CSMD1: variants seen among roughly 807,000 people sequenced by gnomAD.
CSMD1 encodes CUB and sushi domain-containing protein 1.
Under a neutral mutation model 417.5 loss-of-function variants are expected in CSMD1, and 213 were observed. The observed-to-expected ratio is 0.51, with a 90% confidence interval of 0.46 to 0.57. The LOEUF is 0.57. Ranked by LOEUF, CSMD1 falls within the 20% of genes least tolerant of loss-of-function variation. The pLI is 0.00. For synonymous variants in CSMD1, 2,862 were observed against 1,736.8 expected (o/e 1.65, Z -16.11); for missense variants, 6,923 against 4,529.7 (o/e 1.53, Z -15.17).
intron 3 of CSMD1, among the ~76,000 whole-genome samples, chr8:4,315,018 G>C (rs1342401100): frequency 6.6e-6 from 1 of 152,136 alleles, no homozygotes; most frequent in Non-Finnish European, 1.5e-5. Flanking sequence ...CCTGAGAAAA[G>C]AGGTCCCTCT....
intron 62 of CSMD1, 58 bp from the exon 63 acceptor site, chr8:2,957,865 TA>T: frequency 8.6e-7 from 1 of 1,162,050 alleles, no homozygotes; most frequent in Non-Finnish European, 1.3e-6. Context: ...AAGTGTCAAC[TA>T]GTGATACCTG....
chr8:3,676,187 C>G (rs1191091742), intron 7 of CSMD1, among the ~76,000 whole-genome samples: 2 of 152,106 alleles, frequency 1.3e-5, no homozygotes, highest in African/African-American at 4.8e-5. Context: ...TAGTCTTCTC[C>G]TCGTTTGTCC....
At chr8:4,159,108 G>A (rs149722116) in intron 3 of CSMD1, among the ~76,000 whole-genome samples, 22 of 152,106 alleles carry the variant, frequency 1.4e-4, no homozygotes, top group African/African-American at 3.9e-4. Context: ...TAGAGACGAG[G>A]CTTCTCCATA....
At chr8:3,920,618 T>C in intron 5 of CSMD1, among the ~76,000 whole-genome samples, 1 of 152,208 alleles carries the variant, frequency 6.6e-6, no homozygotes, top group East Asian at 1.9e-4. Flanking sequence ...GGGCTTGTCA[T>C]ATATGACCTT....
chr8:4,041,325 G>C (rs1797884769), intron 3 of CSMD1, among the ~76,000 whole-genome samples: 2 of 152,166 alleles, frequency 1.3e-5, no homozygotes, highest in Non-Finnish European at 2.9e-5. Context: ...CCGGGCCTTT[G>C]CCATTTTAAA....
At chr8:4,402,017 G>A (rs991403718) in intron 3 of CSMD1, among the ~76,000 whole-genome samples, 1 of 152,026 alleles carries the variant, frequency 6.6e-6, no homozygotes, top group African/African-American at 2.4e-5. Context: ...TGCTACCACT[G>A]TTATAATTCG....
intron 3 of CSMD1, among the ~76,000 whole-genome samples, chr8:4,395,726 G>C (rs774003975): frequency 1.3e-5 from 2 of 151,988 alleles, no homozygotes; most frequent in Non-Finnish European, 2.9e-5. Flanking sequence ...AAAATTAGCA[G>C]CTACAAATGT....
At chr8:3,427,066 G>C (rs112204905) in intron 12 of CSMD1, among the ~76,000 whole-genome samples, 11 of 152,234 alleles carry the variant, frequency 7.2e-5, no homozygotes, top group East Asian at 5.8e-4. Flanking sequence ...TCACTATCAC[G>C]ACAGCAGCAT....
At chr8:2,974,711 G>T (rs1170692598) in intron 55 of CSMD1, 87 bp from the exon 56 acceptor site, 3 of 908,116 alleles carry the variant, frequency 3.3e-6, no homozygotes, top group Non-Finnish European at 4.6e-6. Flanking sequence ...CACCCATACT[G>T]ACATCATGTA....
chr8:3,119,112 G>A (rs1333441963), intron 41 of CSMD1, among the ~76,000 whole-genome samples: 1 of 151,916 alleles, frequency 6.6e-6, no homozygotes, highest in Non-Finnish European at 1.5e-5. Flanking sequence ...CCTGGGAGGT[G>A]AAGTTTGCAG....
chr8:4,282,976 A>G (rs959841636), intron 3 of CSMD1, among the ~76,000 whole-genome samples: 7 of 152,048 alleles, frequency 4.6e-5, no homozygotes, highest in African/African-American at 1.4e-4. Flanking sequence ...TATTCTTACT[A>G]TTTCTACTGC....
At chr8:3,194,781 A>T (rs891070364) in intron 33 of CSMD1, among the ~76,000 whole-genome samples, 1 of 151,910 alleles carries the variant, frequency 6.6e-6, no homozygotes, top group Non-Finnish European at 1.5e-5. Flanking sequence ...AATTAACTAT[A>T]TTTCCATGAA....
intron 25 of CSMD1, among the ~76,000 whole-genome samples, chr8:3,297,143 A>C (rs1804030439): frequency 6.6e-6 from 1 of 152,204 alleles, no homozygotes; most frequent in African/African-American, 2.4e-5. Context: ...TTCACCCAGA[A>C]AACTGCAAAA....
At chr8:4,311,222 C>T (rs1218533821) in intron 3 of CSMD1, among the ~76,000 whole-genome samples, 1 of 152,100 alleles carries the variant, frequency 6.6e-6, no homozygotes, top group Non-Finnish European at 1.5e-5. Context: ...TAGCACCGTT[C>T]ACAACAGCAA....
intron 51 of CSMD1, among the ~76,000 whole-genome samples, chr8:3,026,410 C>A (rs989410940): frequency 1.3e-5 from 2 of 151,816 alleles, no homozygotes; most frequent in Non-Finnish European, 2.9e-5. Flanking sequence ...CTGGGCCTGA[C>A]TGGACCTCAC....
chr8:4,227,137 T>C (rs1251766077), intron 3 of CSMD1, among the ~76,000 whole-genome samples: 1 of 152,182 alleles, frequency 6.6e-6, no homozygotes, highest in African/African-American at 2.4e-5. Context: ...AAGGGTTTTT[T>C]AGCCCAGAAA....
At chr8:4,932,002 G>C (rs1043264288) in intron 1 of CSMD1, among the ~76,000 whole-genome samples, 2 of 152,110 alleles carry the variant, frequency 1.3e-5, no homozygotes, top group South Asian at 2.1e-4. Context: ...ACAATAATTT[G>C]AGAGATTCAC....
chr8:3,421,711 C>T (rs1008137847), intron 12 of CSMD1, among the ~76,000 whole-genome samples: 44 of 152,118 alleles, frequency 2.9e-4, no homozygotes, highest in Admixed American at 1.3e-3. Flanking sequence ...AATCTTGGCT[C>T]GCTACAACCT....
rs1205533706 is a variant in CSMD1, at chr8:3,513,357, A to G, written c.1345-19631T>C. On this transcript the variant is annotated intron_variant, in intron 10 of 69. Transcript: ENST00000635120. ...CCACAGATTTTTTTTTTTTTTTGAG[A>G]TGGAGTCTTACTTTGTTACCCAGGC... Among the ~76,000 whole-genome samples the G allele has an allele frequency of 4.3e-5, 6 of 138,884 alleles. 1 individual carries two copies. Among genetic ancestry groups the G allele is most frequent in the Admixed American group, 3.9e-4 (5 of 12,930 alleles). 91.1% of individuals were successfully genotyped at this position (138,884 alleles called of 152,430 possible).
Sources: gnomAD v4.1 joint callset for allele counts (sites outside exome capture counted in the v4.1 genomes callset) on GRCh38, gnomAD v4.1.1 for gene constraint, MANE v1.5 for transcripts, NCBI Gene and HGNC (gene_info 2026-07-23, HGNC 2026-07-21) for gene names.